The following PAPPA2 variants were observed in gnomAD, a reference collection of about 807,000 sequenced individuals.
PAPPA2 encodes pappalysin 2.
PAPPA2 carries 86 observed loss-of-function variants against 176.4 expected under a neutral mutation model. That is an observed-to-expected ratio of 0.49 (90% CI 0.41 to 0.58). The LOEUF is 0.58. Ranked by LOEUF, PAPPA2 falls within the 20% of genes least tolerant of loss-of-function variation. The pLI, the probability that PAPPA2 is intolerant of heterozygous loss-of-function variation, is 0.00. For missense variants in PAPPA2, 2,073 were observed against 2,256.9 expected, an observed-to-expected ratio of 0.92 and a Z score of 1.65; for synonymous variants, 809 against 852.2, an observed-to-expected ratio of 0.95 and a Z score of 0.88.
intron 14 of PAPPA2, among the ~76,000 whole-genome samples, chr1:176,764,843 G>A (rs1036885505): frequency 6.6e-5 from 10 of 152,080 alleles, no homozygotes; most frequent in South Asian, 2.1e-4. Context: ...TGATCCGCCC[G>A]CCTTGGCCTC....
At chr1:176,771,225 G>A in intron 17 of PAPPA2, 45 bp downstream of exon 17, 1 of 1,574,158 alleles carries the variant, frequency 6.4e-7, no homozygotes, top group Non-Finnish European at 8.7e-7. Flanking sequence ...CTACCTCGCT[G>A]CTTGTTATGT....
chr1:176,687,755 T>C (rs1310208704), intron 4 of PAPPA2, among the ~76,000 whole-genome samples: 2 of 152,164 alleles, frequency 1.3e-5, no homozygotes, highest in South Asian at 2.1e-4. Flanking sequence ...TTTTTTTTTT[T>C]CATCTTTGGT....
intron 21 of PAPPA2, among the ~76,000 whole-genome samples, chr1:176,804,414 G>A (rs758091083): frequency 6.6e-5 from 10 of 152,140 alleles, no homozygotes; most frequent in Non-Finnish European, 1.2e-4. Flanking sequence ...AGTGAGTGGA[G>A]GACAGGGATG....
chr1:176,842,469 C>A lies in PAPPA2; in HGVS notation c.*15C>A, dbSNP rs764901237. 6.2e-7 allele frequency: 1 copy of A among 1,609,662 alleles called. No individual in the cohort carries two copies. On this transcript the variant is annotated 3_prime_UTR_variant, in exon 23 of 23. Coordinates refer to ENST00000367662, the MANE Select transcript of PAPPA2 (RefSeq NM_020318.3). Reference sequence around the variant, plus strand: ...AAAATCAGTAACTGTGGGAACAAGCCCCTCCCTCCACTGCCTCAGAGGCAG... The same window carrying A: ...AAAATCAGTAACTGTGGGAACAAGCACCTCCCTCCACTGCCTCAGAGGCAG...
chr1:176,581,439 T>C (rs1179303250), intron 2 of PAPPA2, among the ~76,000 whole-genome samples: 4 of 152,184 alleles, frequency 2.6e-5, no homozygotes, highest in African/African-American at 7.2e-5. Flanking sequence ...GTGTTGGCTA[T>C]TTGAGGTCTT....
intron 3 of PAPPA2, among the ~76,000 whole-genome samples, chr1:176,658,433 G>A (rs1658144544): frequency 6.6e-6 from 1 of 151,894 alleles, no homozygotes; most frequent in African/African-American, 2.4e-5. Context: ...TAAATATCTA[G>A]AAGTAAGATC....
At chr1:176,542,814 A>G (rs538760717) in intron 1 of PAPPA2, among the ~76,000 whole-genome samples, 1 of 152,334 alleles carries the variant, frequency 6.6e-6, no homozygotes, top group South Asian at 2.1e-4. Flanking sequence ...CTTTTCCTAA[A>G]GACATCTAGG....
At chr1:176,469,318 C>T (rs1240589939) in intron 1 of PAPPA2, among the ~76,000 whole-genome samples, 1 of 152,160 alleles carries the variant, frequency 6.6e-6, no homozygotes, top group Non-Finnish European at 1.5e-5. Flanking sequence ...GCACTAGTCC[C>T]TTCTTCTCTC....
At position 176,503,027 on chromosome 1, in the gene PAPPA2, A is replaced by G. The variant is rs577359706; in HGVS notation, c.-917+39609A>G. 9.8e-5 allele frequency among the ~76,000 whole-genome samples: 15 copies of G among 152,292 alleles called. 1 individual carries two copies. In the South Asian group the frequency reaches 3.1e-3, roughly 32 times the overall value. ...TCGTGGTTTAAAATGACACAAATATATTACCTTGTAATTCTGCAGGTTAGA... is the reference window on the plus strand; with the variant it reads ...TCGTGGTTTAAAATGACACAAATATGTTACCTTGTAATTCTGCAGGTTAGA... On this transcript the variant is annotated intron_variant, in intron 1 of 22. Coordinates refer to ENST00000367662, the MANE Select transcript of PAPPA2 (RefSeq NM_020318.3).
chr1:176,616,392 A>G (rs891614369), intron 3 of PAPPA2: 7 of 602,408 alleles, frequency 1.2e-5, no homozygotes, highest in African/African-American at 1.8e-5. Flanking sequence ...CTTTTGTCCT[A>G]TGAATTGTAC....
At chr1:176,505,150 C>CA (rs1462754836) in intron 1 of PAPPA2, among the ~76,000 whole-genome samples, 19 of 151,966 alleles carry the variant, frequency 1.3e-4, no homozygotes, top group African/African-American at 4.6e-4. Flanking sequence ...AATAAAATGA[C>CA]AAAAAACCCG....
chr1:176,755,960 AATTATT>A (rs544269282), intron 14 of PAPPA2, among the ~76,000 whole-genome samples: 2 of 151,962 alleles, frequency 1.3e-5, no homozygotes, highest in Non-Finnish European at 2.9e-5. Context: ...TATATTTACA[AATTATT>A]ATTATTATTA....
chr1:176,549,014 A>T (rs1650787932), intron 1 of PAPPA2, among the ~76,000 whole-genome samples: 1 of 152,160 alleles, frequency 6.6e-6, no homozygotes, highest in Non-Finnish European at 1.5e-5. Context: ...GTAAGTAAAA[A>T]TTTTTATTAT....
At chr1:176,812,563 ATT>A (rs1666202606) in intron 21 of PAPPA2, among the ~76,000 whole-genome samples, 1 of 152,166 alleles carries the variant, frequency 6.6e-6, no homozygotes, top group Non-Finnish European at 1.5e-5. Context: ...GGCATTGCTT[ATT>A]TTACAATTTA....
chr1:176,836,459 CA>C (rs1276890980), intron 21 of PAPPA2, among the ~76,000 whole-genome samples: 1 of 152,206 alleles, frequency 6.6e-6, no homozygotes, highest in Non-Finnish European at 1.5e-5. Context: ...CTTTCTAAAA[CA>C]TCAGCATGGT....
chr1:176,643,707 A>G (rs1403789869), intron 3 of PAPPA2, among the ~76,000 whole-genome samples: 1 of 152,004 alleles, frequency 6.6e-6, no homozygotes, highest in African/African-American at 2.4e-5. Flanking sequence ...TGGTAAACAC[A>G]GGGAGACCAC....
At chr1:176,523,921 G>A (rs529288139) in intron 1 of PAPPA2, among the ~76,000 whole-genome samples, 1 of 152,300 alleles carries the variant, frequency 6.6e-6, no homozygotes, top group South Asian at 2.1e-4. Context: ...CTGAAGTTGT[G>A]AACTGCAGTG....
At chr1:176,646,806 A>C (rs1235823205) in intron 3 of PAPPA2, among the ~76,000 whole-genome samples, 1 of 151,392 alleles carries the variant, frequency 6.6e-6, no homozygotes, top group African/African-American at 2.4e-5. Context: ...TCATCCATCT[A>C]TCTGTTGATG....
chr1:176,739,592 AT>A, intron 12 of PAPPA2, 33 bp from the exon 13 acceptor site: 2 of 1,593,622 alleles, frequency 1.3e-6, no homozygotes, highest in Non-Finnish European at 1.7e-6. Flanking sequence ...CTCAATGGAA[AT>A]AATGACTTAT....
Sources: gnomAD v4.1 joint callset for allele counts (sites outside exome capture counted in the v4.1 genomes callset) on GRCh38, gnomAD v4.1.1 for gene constraint, MANE v1.5 for transcripts, NCBI Gene and HGNC (gene_info 2026-07-23, HGNC 2026-07-21) for gene names.